Variants in PLXDC2 observed in about 807,000 individuals in gnomAD.
PLXDC2 encodes plexin domain-containing protein 2.
In PLXDC2, 40 loss-of-function variants were observed where a neutral mutation model predicts 68.9. The ratio of observed to expected loss-of-function variants is 0.58; its 90% CI spans 0.45 to 0.76. The LOEUF (loss-of-function observed/expected upper bound fraction) is 0.76. PLXDC2 is among the 30% of genes least tolerant of loss of function. The pLI is 0.00. For synonymous variants in PLXDC2, 243 were observed against 234.2 expected, an observed-to-expected ratio of 1.04 and a Z score of -0.34; for missense variants, 644 against 661.9, an observed-to-expected ratio of 0.97 and a Z score of 0.30.
intron 4 of PLXDC2, among the ~76,000 whole-genome samples, chr10:20,140,172 C>T (rs867921800): frequency 2.0e-5 from 3 of 151,816 alleles, no homozygotes; most frequent in African/African-American, 4.8e-5. Flanking sequence ...TGGTGGAGGG[C>T]GCCTGTAGTC....
In PLXDC2 at chr10:19,817,017, A is replaced by G. The variant is rs1836356751; in HGVS notation, c.-63A>G. ...CGTTTGGCCCGGTCGTGCCTATTGCATCGGGAGCCCCCGAGCACCGGCGAA... is the reference window on the plus strand; with the variant it reads ...CGTTTGGCCCGGTCGTGCCTATTGCGTCGGGAGCCCCCGAGCACCGGCGAA... On this transcript the variant is annotated 5_prime_UTR_variant, in exon 1 of 14. Coordinates refer to ENST00000377252, the MANE Select transcript of PLXDC2 (RefSeq NM_032812.9). The G allele has an allele frequency of 1.5e-6, 2 of 1,307,024 alleles. No individual in the cohort carries two copies. The highest frequency in any genetic ancestry group is 2.5e-5 in the East Asian group (1 of 39,722). 81.0% of individuals were successfully genotyped at this position (1,307,024 alleles called of 1,614,324 possible). A position where few individuals can be genotyped will look rare whatever the true frequency, so the allele number is the denominator to read the frequency against.
chr10:20,164,499 C>T lies in PLXDC2; in HGVS notation c.815C>T (p.Thr272Ile). 1.2e-6 allele frequency: 2 copies of T among 1,613,646 alleles called. No homozygotes were observed. Among genetic ancestry groups the T allele is most frequent in the African/African-American group, 1.3e-5 (1 of 75,018 alleles). ...GTCTTGGTCACACAGATAAGTTCAA[C>T]CAATCATCCAGTGAAAGTCGGACTG... The part of the protein sequence containing the change: ...IPVLVTQISS[T>I]NHPVKVGLSD... The change falls in exon 7 of 14, where the codon ACC becomes ATC. Residue 272 changes from threonine to isoleucine, a missense_variant. Thr to Ile is a moderately conservative substitution (Grantham distance 89). This residue lies in a region of PLXDC2 where 330 missense variants were observed against 327.9 expected (regional missense o/e 1.01). Coordinates refer to ENST00000377252, the MANE Select transcript of PLXDC2 (RefSeq NM_032812.9).
chr10:20,217,406 C>T lies in PLXDC2; in HGVS notation c.1123-20C>T, dbSNP rs1295472527. The T allele has an allele frequency of 6.3e-7, 1 of 1,597,172 alleles. No homozygotes were observed. Among genetic ancestry groups the T allele is most frequent in the East Asian group, 2.2e-5 (1 of 44,484 alleles). ...ATTTGTGATCACTCCATTTGTTTTC[C>T]TTTTCTTTTCTCTTACTAGTCAAAA... On this transcript the variant is annotated intron_variant, in intron 10 of 13. Transcript: ENST00000377252.
intron 2 of PLXDC2, 34 bp from the exon 3 acceptor site, chr10:20,046,835 G>A (rs530317592): frequency 3.9e-5 from 61 of 1,547,894 alleles, no homozygotes; most frequent in African/African-American, 5.5e-5. Context: ...AAAACATCTC[G>A]GTTCTTGATA....
rs770590576 is a variant in PLXDC2, at chr10:20,001,839, C to T, written c.177C>T (p.His59=). The part of the protein sequence containing the change: ...HTEEEVEVDS[H]AYSHRWKRNL... ...AGGAGGAGGTGGAAGTTGATTCACA[C>T]GCGTACAGCCACAGGTGGAAAAGAA... The change falls in exon 2 of 14, where the codon CAC becomes CAT. Residue 59 remains histidine (H), a synonymous_variant. Transcript: ENST00000377252. 52 of 1,613,864 alleles carry T rather than the reference C, an allele frequency of 3.2e-5. No homozygotes were observed. Among genetic ancestry groups the T allele is most frequent in the Middle Eastern group, 3.3e-4 (2 of 6,076 alleles).
intron 4 of PLXDC2, among the ~76,000 whole-genome samples, chr10:20,101,080 A>C (rs1833415804): frequency 6.6e-6 from 1 of 152,180 alleles, no homozygotes; most frequent in Non-Finnish European, 1.5e-5. Context: ...CCAAATGATG[A>C]AAATATGTCA....
At chr10:20,010,934 G>A (rs1835102110) in intron 2 of PLXDC2, among the ~76,000 whole-genome samples, 1 of 152,138 alleles carries the variant, frequency 6.6e-6, no homozygotes, top group African/African-American at 2.4e-5. Flanking sequence ...AGAATGCCAA[G>A]TAACAGTCAA....
At chr10:20,109,512 T>A (rs1174661389) in intron 4 of PLXDC2, among the ~76,000 whole-genome samples, 1 of 152,210 alleles carries the variant, frequency 6.6e-6, no homozygotes, top group Non-Finnish European at 1.5e-5. Context: ...AAGAACTCAT[T>A]ATACCAGAGT....
Position 20,275,946 on chromosome 10 carries a change from C to T in PLXDC2, c.1474-3757C>T, listed in dbSNP as rs184113459. Among the ~76,000 whole-genome samples the T allele has an allele frequency of 8.2e-3, 744 of 91,116 alleles. 4 individuals are homozygous for T. Among genetic ancestry groups the T allele is most frequent in the African/African-American group, 0.029 (698 of 23,888 alleles). 59.8% of individuals were successfully genotyped at this position (91,116 alleles called of 152,430 possible). The stretch of plus-strand genomic sequence containing the variant: ...ATAATAATAAAATTAAATTAAAAAA[C>T]GGAAGGAAGGGTAGGTTTTTTTGAA... On this transcript the variant is annotated intron_variant, in intron 13 of 13. Transcript: ENST00000377252.
intron 9 of PLXDC2, among the ~76,000 whole-genome samples, chr10:20,181,761 C>T (rs1046005492): frequency 3.3e-5 from 5 of 152,004 alleles, no homozygotes; most frequent in East Asian, 3.9e-4. Flanking sequence ...ACACAGATGA[C>T]TCTGTAAGCT....
chr10:19,987,278 T>C (rs1182222208), intron 1 of PLXDC2, among the ~76,000 whole-genome samples: 1 of 152,140 alleles, frequency 6.6e-6, no homozygotes, highest in Non-Finnish European at 1.5e-5. Context: ...CTACCAAAAT[T>C]ATTATTATGT....
intron 12 of PLXDC2, among the ~76,000 whole-genome samples, chr10:20,243,791 G>A (rs768583264): frequency 5.9e-5 from 9 of 152,216 alleles, no homozygotes; most frequent in Non-Finnish European, 1.0e-4. Flanking sequence ...GGGTGCAAAG[G>A]CTCACGCCTG....
At chr10:19,905,886 G>C (rs1455825207) in intron 1 of PLXDC2, among the ~76,000 whole-genome samples, 3 of 151,954 alleles carry the variant, frequency 2.0e-5, no homozygotes, top group African/African-American at 7.3e-5. Flanking sequence ...TGGTAAGTTG[G>C]AATAACCATT....
At chr10:20,023,249 C>T (rs981663072) in intron 2 of PLXDC2, among the ~76,000 whole-genome samples, 5 of 151,864 alleles carry the variant, frequency 3.3e-5, no homozygotes, top group African/African-American at 1.2e-4. Context: ...CTACATGGGT[C>T]TTACCAAGTT....
chr10:19,862,481 C>T (rs778633922), intron 1 of PLXDC2, among the ~76,000 whole-genome samples: 3 of 152,094 alleles, frequency 2.0e-5, no homozygotes, highest in Non-Finnish European at 2.9e-5. Flanking sequence ...GTAAAGATAG[C>T]GAAGCGTTAC....
intron 4 of PLXDC2, among the ~76,000 whole-genome samples, chr10:20,095,077 A>G (rs531817469): frequency 6.6e-6 from 1 of 152,346 alleles, no homozygotes; most frequent in South Asian, 2.1e-4. Context: ...CATAAAATGT[A>G]AAAAGAAACA....
chr10:19,819,690 A>T (rs1368822776), intron 1 of PLXDC2, among the ~76,000 whole-genome samples: 1 of 152,210 alleles, frequency 6.6e-6, no homozygotes, highest in Non-Finnish European at 1.5e-5. Context: ...TTTTAGAGGG[A>T]AGTAGTTTAT....
chr10:19,886,733 C>T (rs955736749), intron 1 of PLXDC2, among the ~76,000 whole-genome samples: 1 of 152,146 alleles, frequency 6.6e-6, no homozygotes, highest in Non-Finnish European at 1.5e-5. Context: ...GATGCCCTCT[C>T]TCACCACTCC....
chr10:20,020,177 A>ATTTTTTTTT (rs1564659038), intron 2 of PLXDC2, among the ~76,000 whole-genome samples: 9 of 98,210 alleles, frequency 9.2e-5, no homozygotes, highest in African/African-American at 4.0e-4. Flanking sequence ...ACACCCAGCA[A>ATTTTTTTTT]ATTTTTTTTT....
Sources: allele counts gnomAD v4.1 joint callset (sites outside exome capture counted in the v4.1 genomes callset), GRCh38; gene constraint gnomAD v4.1.1; regional missense constraint gnomAD v4.1.1; transcripts MANE v1.5; gene names NCBI Gene and HGNC (gene_info 2026-07-23, HGNC 2026-07-21).